Variants in SFXN1 observed in about 807,000 individuals in gnomAD.
SFXN1 encodes sideroflexin 1, also known as sideroflexin-1.
Under a neutral mutation model 39.5 loss-of-function variants are expected in SFXN1, and 32 were observed. The observed-to-expected ratio is 0.81, with a 90% CI of 0.61 to 1.09. SFXN1 has a LOEUF of 1.09. Ranked by LOEUF, SFXN1 falls within the 50% of genes least tolerant of loss-of-function variation. The probability of loss-of-function intolerance (pLI) is 0.00; values close to 1 mark genes in which losing one functional copy is unlikely to be tolerated. For synonymous variants in SFXN1, 136 were observed against 146.5 expected, an observed-to-expected ratio of 0.93 and a Z score of 0.52; for missense variants, 402 against 407.1, an observed-to-expected ratio of 0.99 and a Z score of 0.11.
chr5:175,515,411 T>C (rs535480668), intron 7 of SFXN1, among the ~76,000 whole-genome samples: 11 of 152,328 alleles, frequency 7.2e-5, no homozygotes, highest in African/African-American at 2.2e-4. Context: ...ATTTGGTTAT[T>C]TTAAACACTA....
chr5:175,520,368 G>A (rs1760843012), intron 8 of SFXN1, among the ~76,000 whole-genome samples: 1 of 152,104 alleles, frequency 6.6e-6, no homozygotes, highest in Non-Finnish European at 1.5e-5. Flanking sequence ...AATATCTAGC[G>A]AAACACCAAA....
chr5:175,514,171 G>A (rs1277482773), intron 7 of SFXN1, among the ~76,000 whole-genome samples: 2 of 152,148 alleles, frequency 1.3e-5, no homozygotes, highest in Non-Finnish European at 2.9e-5. Flanking sequence ...AGGCTGTGCG[G>A]GGAGGCTGCC....
intron 3 of SFXN1, 116 bp from the exon 4 acceptor site, chr5:175,509,993 T>G: frequency 1.3e-6 from 1 of 767,982 alleles, no homozygotes; most frequent in Non-Finnish European, 2.2e-6. Context: ...TGTGGCCTTA[T>G]GGCTTTCTCC....
At chr5:175,511,331 G>C in intron 4 of SFXN1, 120 bp from the exon 5 acceptor site, 1 of 766,202 alleles carries the variant, frequency 1.3e-6, no homozygotes, top group South Asian at 1.7e-5. Context: ...ATGTTGTTTT[G>C]TAGACTCTTC....
intron 8 of SFXN1, among the ~76,000 whole-genome samples, chr5:175,520,814 C>G (rs952933185): frequency 6.6e-6 from 1 of 152,148 alleles, no homozygotes; most frequent in Non-Finnish European, 1.5e-5. Flanking sequence ...TTATGACAAT[C>G]CTTCATCATC....
chr5:175,513,677 A>C, intron 7 of SFXN1, 87 bp downstream of exon 7: 1 of 1,406,916 alleles, frequency 7.1e-7, no homozygotes, highest in Non-Finnish European at 9.9e-7. Flanking sequence ...CACATATATC[A>C]CACCTCTTAG....
intron 2 of SFXN1, among the ~76,000 whole-genome samples, chr5:175,504,313 G>A (rs1760205491): frequency 1.3e-5 from 2 of 151,866 alleles, no homozygotes; most frequent in South Asian, 4.1e-4. Flanking sequence ...GGTGGCTCAC[G>A]CCTGTAATCC....
chr5:175,501,818 C>G (rs183488149), intron 2 of SFXN1, among the ~76,000 whole-genome samples: 2 of 152,194 alleles, frequency 1.3e-5, no homozygotes, highest in African/African-American at 4.8e-5. Context: ...TTTGTAATCA[C>G]CCAGTGGGTT....
intron 1 of SFXN1, among the ~76,000 whole-genome samples, chr5:175,488,586 A>G (rs955117038): frequency 1.3e-5 from 2 of 152,116 alleles, no homozygotes; most frequent in Non-Finnish European, 2.9e-5. Context: ...GGTGTGAGCC[A>G]CCACGCCCGG....
chr5:175,497,936 G>GAAAAAAAAAAAAAAAAAAAAAA (rs71581646), intron 2 of SFXN1, among the ~76,000 whole-genome samples: 1 of 95,852 alleles, frequency 1.0e-5, no homozygotes, highest in African/African-American at 3.6e-5. Context: ...GTCTCAAAAA[G>GAAAAAAAAAAAAAAAAAAAAAA]AAAAAAAAAA....
chr5:175,511,385 A>G (rs1760506349), intron 4 of SFXN1, 66 bp from the exon 5 acceptor site: 1 of 1,177,874 alleles, frequency 8.5e-7, no homozygotes, highest in Non-Finnish European at 1.3e-6. Flanking sequence ...ATTTCTTCAA[A>G]TAATGTTGCA....
chr5:175,486,395 A>G (rs572435647), intron 1 of SFXN1, among the ~76,000 whole-genome samples: 276 of 152,338 alleles, frequency 1.8e-3, no homozygotes, highest in African/African-American at 5.8e-3. Flanking sequence ...GCTTCCGCAT[A>G]ATAAGCGCAT....
intron 1 of SFXN1, among the ~76,000 whole-genome samples, chr5:175,491,098 C>G (rs998703559): frequency 2.6e-5 from 4 of 152,142 alleles, no homozygotes; most frequent in African/African-American, 9.7e-5. Flanking sequence ...ACATGTATTA[C>G]TCAGAGAAAG....
chr5:175,492,132 A>G lies in SFXN1; in HGVS notation c.29A>G (p.Asn10Ser), dbSNP rs1759678313. MSGELPPNINIKEPRWDQST... is the reference protein window; with the variant it reads MSGELPPNISIKEPRWDQST... ...TCTGGAGAACTACCACCAAACATTA[A>G]CATCAAGGAACCTCGATGGGATCAA... Residue 10 changes from asparagine (N) to serine (S), a missense_variant, in exon 2 of 11, where the codon AAC becomes AGC. By Grantham distance (46) the Asn-to-Ser change is conservative (BLOSUM62 1). Coordinates refer to ENST00000321442, the MANE Select transcript of SFXN1 (RefSeq NM_022754.7). The G allele has an allele frequency of 6.2e-7, 1 of 1,613,690 alleles. No homozygotes were observed.
intron 7 of SFXN1, 36 bp downstream of exon 7, chr5:175,513,626 G>A: frequency 6.2e-7 from 1 of 1,607,654 alleles, no homozygotes; most frequent in East Asian, 2.2e-5. Context: ...CATAAATACA[G>A]GTTGAACCAG....
chr5:175,489,728 C>T (rs1430478024), intron 1 of SFXN1, among the ~76,000 whole-genome samples: 8 of 152,242 alleles, frequency 5.3e-5, no homozygotes, highest in Admixed American at 3.3e-4. Context: ...TTTAAAAAGA[C>T]AAATATTATC....
At chr5:175,516,703 A>G (rs751427244) in intron 8 of SFXN1, 40 bp downstream of exon 8, 2 of 1,595,318 alleles carry the variant, frequency 1.3e-6, no homozygotes, top group East Asian at 2.2e-5. Flanking sequence ...AACCCTTTTT[A>G]TTTCTTTTCA....
intron 1 of SFXN1, among the ~76,000 whole-genome samples, chr5:175,488,545 C>T (rs1243068889): frequency 1.3e-5 from 2 of 152,094 alleles, no homozygotes; most frequent in East Asian, 1.9e-4. Flanking sequence ...GTGATCCGCC[C>T]GCCTCGGCCT....
At chr5:175,513,854 G>T (rs867880845) in intron 7 of SFXN1, 55 of 315,432 alleles carry the variant, frequency 1.7e-4, no homozygotes, top group African/African-American at 1.0e-3. Flanking sequence ...GTGGGTATCG[G>T]TGATGAATAT....
Sources: allele counts gnomAD v4.1 joint callset (sites outside exome capture counted in the v4.1 genomes callset), GRCh38; gene constraint gnomAD v4.1.1; transcripts MANE v1.5; gene names NCBI Gene and HGNC (gene_info 2026-07-23, HGNC 2026-07-21).